The following IPMK variants were observed in gnomAD, a reference collection of about 807,000 sequenced individuals.
IPMK encodes the protein inositol polyphosphate multikinase, also known as inositol 1,3,4,6-tetrakisphosphate 5-kinase.
A neutral mutation model predicts 45.8 loss-of-function variants in IPMK; 17 were observed. The observed-to-expected ratio is 0.37, with a 90% CI of 0.25 to 0.56. The LOEUF is 0.56. IPMK is among the 20% of genes least tolerant of loss of function. The pLI, the probability that IPMK is intolerant of heterozygous loss-of-function variation, is 0.79. For synonymous variants in IPMK, 180 were observed against 184.3 expected (o/e 0.98, Z 0.19); for missense variants, 399 against 498.0 (o/e 0.80, Z 1.89).
At chr10:58,215,200 A>G (rs542813162) in intron 4 of IPMK, among the ~76,000 whole-genome samples, 1 of 152,196 alleles carries the variant, frequency 6.6e-6, no homozygotes, top group Non-Finnish European at 1.5e-5. Context: ...ATACAACCCA[A>G]ATAAATGAGA....
At chr10:58,198,035 A>AAAAAC (rs1837935276) in intron 5 of IPMK, among the ~76,000 whole-genome samples, 1 of 152,224 alleles carries the variant, frequency 6.6e-6, no homozygotes, top group Non-Finnish European at 1.5e-5. Context: ...CTTGAAAACA[A>AAAAAC]AAAACAAAAC....
chr10:58,242,801 AT>A (rs1483106269), intron 1 of IPMK, among the ~76,000 whole-genome samples: 1 of 152,182 alleles, frequency 6.6e-6, no homozygotes, highest in East Asian at 1.9e-4. Flanking sequence ...CTCATGTTGA[AT>A]TGTAATCCCC....
At position 58,195,922 on chromosome 10, in the gene IPMK, A is replaced by T; in HGVS notation, c.*154T>A. ...CAAATAGTTAGTTTTCCTGAGTAAG[A>T]TTATAAAAAAGTTAACCATTCTTCC... On this transcript the variant is annotated 3_prime_UTR_variant, in exon 6 of 6. Transcript: ENST00000373935. 1 of 696,148 alleles carries T rather than the reference A, an allele frequency of 1.4e-6. No individual in the cohort carries two copies. The allele number at this position is 696,148 out of a possible 1,614,324, so 43.1% of individuals were successfully genotyped here.
At chr10:58,199,216 A>T (rs1163097776) in intron 5 of IPMK, 24 bp downstream of exon 5, 2 of 1,447,876 alleles carry the variant, frequency 1.4e-6, no homozygotes, top group Non-Finnish European at 1.9e-6. Context: ...TCAATCATAA[A>T]AGCATTAGTT....
rs1353552527 is a variant in IPMK at position 58,194,085 on chromosome 10, T to TA, written c.*1990dup. On this transcript the variant is annotated 3_prime_UTR_variant, in exon 6 of 6. Coordinates refer to ENST00000373935, the MANE Select transcript of IPMK (RefSeq NM_152230.5). Reference sequence around the variant, plus strand: ...ACAAAATTGTATTTCCAAATGCAGATAAAAAAATCTTGAACATTAAGATTT... The same window carrying TA: ...ACAAAATTGTATTTCCAAATGCAGATAAAAAAAATCTTGAACATTAAGATTT... The TA allele has an allele frequency of 1.3e-5, 2 of 151,914 alleles. No individual in the cohort carries two copies. The highest frequency in any genetic ancestry group is 2.4e-5 in the African/African-American group (1 of 41,542). 9.4% of individuals were successfully genotyped at this position (151,914 alleles called of 1,614,324 possible). A position where few individuals can be genotyped will look rare whatever the true frequency, so the allele number is the denominator to read the frequency against.
rs973676888 is a variant in IPMK, at chr10:58,193,300, A to G, written c.*2776T>C. ...ACAGACGAAGGTTCTTCAGTTAAAC[A>G]GTTTAGAGCCCCATAAGAGCAAACT... On this transcript the variant is annotated 3_prime_UTR_variant, in exon 6 of 6. Transcript: ENST00000373935. The G allele has an allele frequency of 1.3e-5, 2 of 151,948 alleles. No individual in the cohort carries two copies. Among genetic ancestry groups the G allele is most frequent in the African/African-American group, 4.8e-5 (2 of 41,438 alleles). 9.4% of individuals were successfully genotyped at this position (151,948 alleles called of 1,614,324 possible).
chr10:58,262,482 A>T (rs1839087104), intron 1 of IPMK, among the ~76,000 whole-genome samples: 3 of 152,238 alleles, frequency 2.0e-5, no homozygotes, highest in Admixed American at 6.5e-5. Context: ...AAATATTTAT[A>T]CATACTTTAA....
chr10:58,263,353 G>A (rs369188333), intron 1 of IPMK, among the ~76,000 whole-genome samples: 177 of 151,556 alleles, frequency 1.2e-3, no homozygotes, highest in African/African-American at 3.9e-3. Context: ...GCAAAACCCC[G>A]TCTCTACTAA....
intron 1 of IPMK, among the ~76,000 whole-genome samples, chr10:58,243,558 C>T (rs1275678046): frequency 6.6e-6 from 1 of 152,178 alleles, no homozygotes; most frequent in Non-Finnish European, 1.5e-5. Flanking sequence ...TTGGTGAAAA[C>T]GAGGTTTCCC....
chr10:58,226,068 T>C (rs1838410797), intron 3 of IPMK, among the ~76,000 whole-genome samples: 1 of 152,130 alleles, frequency 6.6e-6, no homozygotes, highest in Non-Finnish European at 1.5e-5. Context: ...CTTTTTTTCA[T>C]ACAATTAAAG....
chr10:58,242,332 C>T (rs978190842), intron 1 of IPMK, among the ~76,000 whole-genome samples: 34 of 151,920 alleles, frequency 2.2e-4, no homozygotes, highest in Admixed American at 5.9e-4. Flanking sequence ...TTGTGGCGGA[C>T]GCCTGTAGTC....
intron 1 of IPMK, among the ~76,000 whole-genome samples, chr10:58,259,689 A>G (rs1353795100): frequency 1.3e-5 from 2 of 150,264 alleles, no homozygotes; most frequent in African/African-American, 4.9e-5. Context: ...AAAAAAAAAC[A>G]ATTAGCCAGG....
chr10:58,225,325 T>C (rs1187756893), intron 3 of IPMK, among the ~76,000 whole-genome samples: 1 of 152,148 alleles, frequency 6.6e-6, no homozygotes, highest in Non-Finnish European at 1.5e-5. Context: ...GATTACTGAG[T>C]TAGCCAAGTT....
intron 4 of IPMK, 123 bp from the exon 5 acceptor site, chr10:58,199,444 G>GA (rs974438489): frequency 0.034 from 13,525 of 403,570 alleles, no homozygotes; most frequent in Middle Eastern, 0.054. Context: ...GATTTGAGAA[G>GA]AAAAAAAAAA....
intron 4 of IPMK, among the ~76,000 whole-genome samples, chr10:58,211,995 T>C (rs1266467465): frequency 6.6e-6 from 1 of 151,982 alleles, no homozygotes; most frequent in Admixed American, 6.6e-5. Context: ...TGGGGTTTTT[T>C]TCCCCAACTA....
In IPMK at chr10:58,191,552, T is replaced by C. The variant is rs191363282; in HGVS notation, c.*4524A>G. On this transcript the variant is annotated 3_prime_UTR_variant, in exon 6 of 6. Transcript: ENST00000373935. ...AAACATTTTAATAGGTTGTCAAATA[T>C]ACAGTTATTAGAATTATGTAAATAT... The C allele has an allele frequency of 1.3e-3, 202 of 152,254 alleles. 1 individual carries two copies. The highest frequency in any genetic ancestry group is 4.6e-3 in the African/African-American group (191 of 41,580). 9.4% of individuals were successfully genotyped at this position (152,254 alleles called of 1,614,324 possible).
At chr10:58,222,043 C>T (rs901545200) in intron 3 of IPMK, among the ~76,000 whole-genome samples, 4 of 152,160 alleles carry the variant, frequency 2.6e-5, no homozygotes, top group African/African-American at 4.8e-5. Flanking sequence ...GCCACTGCAC[C>T]TGGCCTAATT....
intron 3 of IPMK, among the ~76,000 whole-genome samples, chr10:58,216,806 C>T (rs921281510): frequency 6.6e-6 from 1 of 152,102 alleles, no homozygotes; most frequent in Admixed American, 6.5e-5. Flanking sequence ...TGATAATTGT[C>T]AAATATACAT....
chr10:58,214,497 C>T (rs1315260200), intron 4 of IPMK, among the ~76,000 whole-genome samples: 1 of 152,206 alleles, frequency 6.6e-6, no homozygotes, highest in East Asian at 1.9e-4. Context: ...TTTGTTTTAA[C>T]TGTATTCCAT....
Sources: gnomAD v4.1 joint callset for allele counts (sites outside exome capture counted in the v4.1 genomes callset) on GRCh38, gnomAD v4.1.1 for gene constraint, MANE v1.5 for transcripts, NCBI Gene and HGNC (gene_info 2026-07-23, HGNC 2026-07-21) for gene names.